DLGAP2: variants seen among roughly 807,000 people sequenced by gnomAD.
DLGAP2 encodes the protein DLG associated protein 2, also known as disks large-associated protein 2.
DLGAP2 carries 26 observed loss-of-function variants against 100.3 expected under a neutral mutation model. The ratio of observed to expected loss-of-function variants is 0.26; its 90% CI spans 0.19 to 0.36. The LOEUF (loss-of-function observed/expected upper bound fraction) is 0.36. Among genes scored for constraint, DLGAP2 ranks in the 10% least tolerant of loss-of-function variants. DLGAP2 has a pLI of 1.00. For missense variants in DLGAP2, 1,858 were observed against 1,453.2 expected (o/e 1.28, Z -4.53); for synonymous variants, 886 against 630.1 (o/e 1.41, Z -6.08).
At chr8:1,499,956 C>T (rs1439062059) in intron 3 of DLGAP2, among the ~76,000 whole-genome samples, 4 of 135,900 alleles carry the variant, frequency 2.9e-5, no homozygotes, top group African/African-American at 1.1e-4. Context: ...CAGACTACAG[C>T]CTGGCTAACT....
chr8:1,460,886 A>G (rs993514917), intron 3 of DLGAP2, among the ~76,000 whole-genome samples: 8 of 152,282 alleles, frequency 5.3e-5, no homozygotes, highest in Admixed American at 2.6e-4. Flanking sequence ...ATTTCCACAC[A>G]AGTCTTTGGG....
Position 943,064 on chromosome 8 carries a change from CCTGA to C in DLGAP2, c.73+35101_73+35104del, listed in dbSNP as rs538793032. Among the ~76,000 whole-genome samples the C allele has an allele frequency of 3.4e-4, 52 of 152,320 alleles. No individual in the cohort carries two copies. In the East Asian group the frequency reaches 8.7e-3, roughly 25 times the overall value. Reference sequence around the variant, plus strand: ...TGCGTGACTGACCACAATCCGAATTCCTGACTTTCAGAAGAAAATCAGGTGCTCA... The same window carrying C: ...TGCGTGACTGACCACAATCCGAATTCCTTTCAGAAGAAAATCAGGTGCTCA... On this transcript the variant is annotated intron_variant, in intron 2 of 14. Coordinates refer to ENST00000637795, the MANE Select transcript of DLGAP2 (RefSeq NM_001346810.2).
chr8:767,142 C>T (rs751567066), intron 1 of DLGAP2, among the ~76,000 whole-genome samples: 18 of 152,094 alleles, frequency 1.2e-4, no homozygotes, highest in Non-Finnish European at 2.2e-4. Flanking sequence ...GGTTATGAGC[C>T]GTGTGTTTCT....
intron 8 of DLGAP2, among the ~76,000 whole-genome samples, chr8:1,658,007 A>C (rs1037228276): frequency 6.6e-6 from 1 of 152,150 alleles, no homozygotes; most frequent in African/African-American, 2.4e-5. Context: ...TCCCGTTTGC[A>C]GCAGAATGCA....
At chr8:1,510,343 G>A (rs1200172185) in intron 4 of DLGAP2, among the ~76,000 whole-genome samples, 1 of 152,148 alleles carries the variant, frequency 6.6e-6, no homozygotes, top group Non-Finnish European at 1.5e-5. Flanking sequence ...TGCCAGCCTC[G>A]TTGCCCCAGA....
chr8:1,515,758 G>A (rs1483867744), intron 4 of DLGAP2, among the ~76,000 whole-genome samples: 1 of 88,252 alleles, frequency 1.1e-5, no homozygotes, highest in Non-Finnish European at 2.6e-5. Flanking sequence ...GCACACACAT[G>A]CACAAACATA....
intron 1 of DLGAP2, among the ~76,000 whole-genome samples, chr8:764,457 C>T (rs1307304007): frequency 6.6e-6 from 1 of 152,126 alleles, no homozygotes; most frequent in Non-Finnish European, 1.5e-5. Flanking sequence ...TAAAAAAGAA[C>T]TATCATTTTC....
chr8:1,037,252 G>T (rs1211788782), intron 2 of DLGAP2, among the ~76,000 whole-genome samples: 1 of 152,026 alleles, frequency 6.6e-6, no homozygotes, highest in South Asian at 2.1e-4. Context: ...CCTTCCCTCG[G>T]GCCTTTCTCT....
intron 2 of DLGAP2, among the ~76,000 whole-genome samples, chr8:1,241,756 C>CT (rs1798801831): frequency 6.9e-6 from 1 of 144,144 alleles, no homozygotes; most frequent in South Asian, 2.2e-4. Flanking sequence ...AAAAAAAAAA[C>CT]TAATAAATTC....
intron 3 of DLGAP2, among the ~76,000 whole-genome samples, chr8:1,298,787 A>T (rs973639483): frequency 2.0e-5 from 3 of 152,208 alleles, no homozygotes; most frequent in Admixed American, 1.3e-4. Flanking sequence ...ATTTGCAAAG[A>T]TCGTCTTGAG....
At chr8:1,605,476 C>T (rs779285944) in intron 6 of DLGAP2, among the ~76,000 whole-genome samples, 4 of 152,176 alleles carry the variant, frequency 2.6e-5, no homozygotes, top group African/African-American at 9.6e-5. Flanking sequence ...CTGGTGAATG[C>T]GTGAATCCAG....
intron 2 of DLGAP2, among the ~76,000 whole-genome samples, chr8:965,630 G>A (rs1799844236): frequency 7.3e-6 from 1 of 137,154 alleles, no homozygotes; most frequent in Non-Finnish European, 1.5e-5. Context: ...ACTGCACACG[G>A]CACTGTTCAC....
chr8:1,068,772 C>T (rs1334883192), intron 2 of DLGAP2, among the ~76,000 whole-genome samples: 1 of 149,768 alleles, frequency 6.7e-6, no homozygotes, highest in East Asian at 1.9e-4. Context: ...ATGGGCCCCT[C>T]CCCAAGTGCT....
chr8:909,411 C>G, intron 2 of DLGAP2, among the ~76,000 whole-genome samples: 1 of 151,512 alleles, frequency 6.6e-6, no homozygotes, highest in East Asian at 1.9e-4. Context: ...AAGCTAACTA[C>G]TGTACTGCGG....
chr8:1,045,514 C>A (rs1369771600), intron 2 of DLGAP2, among the ~76,000 whole-genome samples: 1 of 152,194 alleles, frequency 6.6e-6, no homozygotes, highest in African/African-American at 2.4e-5. Flanking sequence ...CCCTTAAAAT[C>A]TGCCCTCTTA....
intron 1 of DLGAP2, among the ~76,000 whole-genome samples, chr8:803,746 C>T (rs552589985): frequency 1.2e-4 from 18 of 152,304 alleles, no homozygotes; most frequent in African/African-American, 3.4e-4. Context: ...GCCAGAGAAA[C>T]GTGCTGTACT....
intron 2 of DLGAP2, among the ~76,000 whole-genome samples, chr8:1,138,353 G>A (rs569471862): frequency 6.6e-6 from 1 of 152,362 alleles, no homozygotes; most frequent in Admixed American, 6.5e-5. Context: ...AAGCTCTGCA[G>A]GCCCTGCCTG....
At chr8:1,496,653 C>G (rs911551077) in intron 3 of DLGAP2, among the ~76,000 whole-genome samples, 3 of 152,134 alleles carry the variant, frequency 2.0e-5, no homozygotes, top group African/African-American at 7.2e-5. Context: ...TCAGATCCAC[C>G]CAGACCCCTC....
At chr8:850,420 A>G (rs1797164082) in intron 1 of DLGAP2, among the ~76,000 whole-genome samples, 1 of 152,206 alleles carries the variant, frequency 6.6e-6, no homozygotes, top group Non-Finnish European at 1.5e-5. Flanking sequence ...ATGTATTTTA[A>G]GAAAAAAAAT....
Sources: allele counts gnomAD v4.1 joint callset (sites outside exome capture counted in the v4.1 genomes callset), GRCh38; gene constraint gnomAD v4.1.1; transcripts MANE v1.5; gene names NCBI Gene and HGNC (gene_info 2026-07-23, HGNC 2026-07-21).